SLC16A2: variants seen among roughly 807,000 people sequenced by gnomAD.
The protein encoded by SLC16A2 is solute carrier family 16 member 2, also known as monocarboxylate transporter 8.
SLC16A2 carries 3 observed loss-of-function variants against 27.2 expected under a neutral mutation model. The observed-to-expected ratio is 0.11, with a 90% confidence interval of 0.05 to 0.28. The LOEUF is 0.28. SLC16A2 is among the 10% of genes least tolerant of loss of function. The pLI, the probability that SLC16A2 is intolerant of heterozygous loss-of-function variation, is 1.00. For synonymous variants in SLC16A2, 202 were observed against 187.8 expected, an observed-to-expected ratio of 1.08 and a Z score of -0.62; for missense variants, 295 against 458.5, an observed-to-expected ratio of 0.64 and a Z score of 3.26.
rs948346554 is a variant in SLC16A2, at chrX:74,531,313, G to A, written c.1400-20G>A. On this transcript the variant is annotated intron_variant, in intron 5 of 5. Transcript: ENST00000587091. Reference sequence around the variant, plus strand: ...AGTAGGGCAAAGCTGAGCTTGACTTGTCTCTCTTGACTGTTTCAGGCCTAC... The same window carrying A: ...AGTAGGGCAAAGCTGAGCTTGACTTATCTCTCTTGACTGTTTCAGGCCTAC... 4 of 1,194,559 alleles carry A rather than the reference G, an allele frequency of 3.3e-6. No individual in the cohort carries two copies. The highest frequency in any genetic ancestry group is 4.5e-6 in the Non-Finnish European group (4 of 879,745).
intron 1 of SLC16A2, among the ~76,000 whole-genome samples, chrX:74,437,052 C>A (rs754606595): frequency 8.9e-6 from 1 of 112,152 alleles, no homozygotes; most frequent in Non-Finnish European, 1.9e-5. Flanking sequence ...TAAGAGGGGT[C>A]TACACATTCA....
chrX:74,464,519 A>G (rs1480125210), intron 1 of SLC16A2, among the ~76,000 whole-genome samples: 1 of 111,978 alleles, frequency 8.9e-6, no homozygotes, highest in Non-Finnish European at 1.9e-5. Flanking sequence ...TTGTATAAGG[A>G]GTTTTCTTGA....
intron 1 of SLC16A2, chrX:74,473,565 A>G (rs1200059619): frequency 1.3e-6 from 1 of 755,190 alleles, no homozygotes; most frequent in Non-Finnish European, 2.0e-6. Context: ...ATTTTTCCAT[A>G]CTATTCAAAA....
chrX:74,508,133 T>A (rs1260532341), intron 1 of SLC16A2, among the ~76,000 whole-genome samples: 1 of 112,162 alleles, frequency 8.9e-6, no homozygotes, highest in Non-Finnish European at 1.9e-5. Flanking sequence ...TTATAGTAAG[T>A]CTTGAAACGA....
intron 1 of SLC16A2, among the ~76,000 whole-genome samples, chrX:74,425,873 T>A (rs1228102652): frequency 8.9e-6 from 1 of 111,968 alleles, no homozygotes; most frequent in East Asian, 2.8e-4. Flanking sequence ...GCATGGTCCT[T>A]GTAAGCTCCC....
chrX:74,478,971 C>G (rs1207064080), intron 1 of SLC16A2, among the ~76,000 whole-genome samples: 1 of 110,799 alleles, frequency 9.0e-6, no homozygotes, highest in Non-Finnish European at 1.9e-5. Flanking sequence ...CTTGGAGTTG[C>G]TCTTCTCGAG....
intron 1 of SLC16A2, among the ~76,000 whole-genome samples, chrX:74,478,979 G>A (rs1258796042): frequency 1.8e-5 from 2 of 110,666 alleles, no homozygotes; most frequent in African/African-American, 3.3e-5. Context: ...TGCTCTTCTC[G>A]AGGAGTATCT....
chrX:74,438,889 C>T (rs1420942537), intron 1 of SLC16A2, among the ~76,000 whole-genome samples: 4 of 112,013 alleles, frequency 3.6e-5, no homozygotes, highest in African/African-American at 1.3e-4. Context: ...AACATGGATC[C>T]TTGTCCAGTT....
At chrX:74,525,065 T>C (rs778284701) in intron 3 of SLC16A2, among the ~76,000 whole-genome samples, 4 of 111,647 alleles carry the variant, frequency 3.6e-5, no homozygotes, top group Non-Finnish European at 7.5e-5. Context: ...AAAATTTAGA[T>C]AGATTTTGAA....
At chrX:74,479,459 C>G (rs1370559344) in intron 1 of SLC16A2, among the ~76,000 whole-genome samples, 3 of 111,913 alleles carry the variant, frequency 2.7e-5, no homozygotes, top group Non-Finnish European at 5.6e-5. Context: ...GTAGTTTGAT[C>G]TTCTGAAGGC....
intron 1 of SLC16A2, among the ~76,000 whole-genome samples, chrX:74,422,400 G>A (rs1172055481): frequency 9.1e-6 from 1 of 110,455 alleles, no homozygotes; most frequent in East Asian, 2.9e-4. Flanking sequence ...TTGCCCCTGT[G>A]TGCTGGGGGA....
At chrX:74,447,306 A>G (rs1340806154) in intron 1 of SLC16A2, among the ~76,000 whole-genome samples, 1 of 111,892 alleles carries the variant, frequency 8.9e-6, no homozygotes, top group Non-Finnish European at 1.9e-5. Flanking sequence ...GTGAGTTTTC[A>G]CAGAGGCCCA....
rs199904356 is a variant in SLC16A2, at chrX:74,531,529, C to T, written c.1596C>T (p.Ser532=). 8.4e-4 allele frequency: 1,018 copies of T among 1,207,168 alleles called. No individual in the cohort carries two copies. Among genetic ancestry groups the T allele is most frequent in the Non-Finnish European group, 1.1e-3 (957 of 893,410 alleles). Residue 532 remains serine (S), a synonymous_variant, in exon 6 of 6, where the codon TCC becomes TCT. Coordinates refer to ENST00000587091, the MANE Select transcript of SLC16A2 (RefSeq NM_006517.5). Reference sequence around the variant, plus strand: ...CCAATGGGGAGCTACTGCCGGGCTCCCCCAACCCTGAGGAACCAATCTAAT... The same window carrying T: ...CCAATGGGGAGCTACTGCCGGGCTCTCCCAACCCTGAGGAACCAATCTAAT... ...PDPNGELLPG[S]PNPEEPI is the part of the protein sequence containing the mutation.
intron 1 of SLC16A2, among the ~76,000 whole-genome samples, chrX:74,439,709 G>A (rs1445676088): frequency 9.2e-6 from 1 of 108,813 alleles, no homozygotes; most frequent in Non-Finnish European, 1.9e-5. Flanking sequence ...GGGGAGTGGG[G>A]GGTGGTACCA....
rs866321652 is a variant in SLC16A2 at position 74,421,728 on chromosome X, C to T, written c.91C>T (p.Pro31Ser). 1 of 1,167,541 alleles carries T rather than the reference C, an allele frequency of 8.6e-7. No homozygotes were observed. The highest frequency in any genetic ancestry group is 1.1e-6 in the Non-Finnish European group (1 of 873,839). ...GCAGGAGCCGGTGGGTAGCCCAGAG[C>T]CGGAGTCTGAGCCGGAGCCTGAGCC... ...EQQEPVGSPE[P>S]ESEPEPEPEP... Residue 31 changes from proline (P) to serine (S), a missense_variant, in exon 1 of 6, where the codon CCG becomes TCG. Pro to Ser is a moderately conservative substitution (Grantham distance 74, BLOSUM62 -1). This residue lies in a region of SLC16A2 where 92 missense variants were observed against 85.1 expected (regional missense o/e 1.08). Coordinates refer to ENST00000587091, the MANE Select transcript of SLC16A2 (RefSeq NM_006517.5).
chrX:74,459,037 T>G (rs1040180072), intron 1 of SLC16A2, among the ~76,000 whole-genome samples: 1 of 105,983 alleles, frequency 9.4e-6, no homozygotes, highest in African/African-American at 3.5e-5. Context: ...AGAAATCCCT[T>G]TGGGCCAGTG....
chrX:74,455,102 T>C (rs1200724470), intron 1 of SLC16A2, among the ~76,000 whole-genome samples: 2 of 112,085 alleles, frequency 1.8e-5, no homozygotes, highest in African/African-American at 6.5e-5. Flanking sequence ...TTACTTAATC[T>C]CTGTATGTCT....
chrX:74,435,073 G>A (rs953697929), intron 1 of SLC16A2, among the ~76,000 whole-genome samples: 26 of 108,639 alleles, frequency 2.4e-4, no homozygotes, highest in African/African-American at 8.4e-4. Flanking sequence ...CTTGTGATCC[G>A]CCTGCCTCGG....
intron 1 of SLC16A2, among the ~76,000 whole-genome samples, chrX:74,427,580 C>G (rs918094294): frequency 4.5e-5 from 5 of 111,681 alleles, no homozygotes; most frequent in African/African-American, 1.3e-4. Context: ...TTTGAGCAGA[C>G]CAGTTTCCCA....
Sources: allele counts gnomAD v4.1 joint callset (sites outside exome capture counted in the v4.1 genomes callset), GRCh38; gene constraint gnomAD v4.1.1; regional missense constraint gnomAD v4.1.1; transcripts MANE v1.5; gene names NCBI Gene and HGNC (gene_info 2026-07-23, HGNC 2026-07-21).